CEP63: variants seen among roughly 807,000 people sequenced by gnomAD.
CEP63 encodes the protein centrosomal protein 63.
Under a neutral mutation model 89.1 loss-of-function variants are expected in CEP63, and 84 were observed. That is an observed-to-expected ratio of 0.94 (90% confidence interval 0.79 to 1.13). The LOEUF (loss-of-function observed/expected upper bound fraction) is 1.13, where lower values mean the gene tolerates loss of function less well. CEP63 is among the 50% of genes most tolerant of loss of function. The pLI, the probability that CEP63 is intolerant of heterozygous loss-of-function variation, is 0.00. For missense variants in CEP63, 838 were observed against 813.3 expected, an observed-to-expected ratio of 1.03 and a Z score of -0.37; for synonymous variants, 267 against 272.5, an observed-to-expected ratio of 0.98 and a Z score of 0.20.
At chr3:134,721,707 TTTATGCATTTATTGAAATAATCTGA>T in the CEP63 span, among the ~76,000 whole-genome samples, 1,638 of 152,284 alleles carry the variant, frequency 0.011, 14 homozygotes, top group Non-Finnish European at 0.018. Flanking sequence ...TCAAATGCCT[TTTATGCATTTATTGAAATAATCTGA>T]TGCTTTCTGT....
the CEP63 span, chr3:134,608,966 G>A: frequency 1.9e-6 from 2 of 1,076,556 alleles, no homozygotes; most frequent in Non-Finnish European, 2.6e-6. Context: ...CCTAACATGG[G>A]CACTGGAGAC....
chr3:134,561,734 G>A lies in CEP63; in HGVS notation c.*199G>A. 1 of 1,391,676 alleles carries A rather than the reference G, an allele frequency of 7.2e-7. No individual in the cohort carries two copies. The highest frequency in any genetic ancestry group is 1.6e-5 in the South Asian group (1 of 62,952). 86.2% of individuals were successfully genotyped at this position (1,391,676 alleles called of 1,614,324 possible). ...TGGTTTGTTTAAAGGACTTCTTCCA[G>A]CAATAAGTTGAAAGAATAAACCACT... On this transcript the variant is annotated 3_prime_UTR_variant, in exon 15 of 15. Coordinates refer to ENST00000675561, the MANE Select transcript of CEP63 (RefSeq NM_001353108.3).
the CEP63 span, among the ~76,000 whole-genome samples, chr3:134,627,129 C>A: frequency 6.6e-6 from 1 of 152,150 alleles, no homozygotes; most frequent in Non-Finnish European, 1.5e-5. Context: ...ATTAAAAATG[C>A]CCATGATTTA....
the CEP63 span, among the ~76,000 whole-genome samples, chr3:134,659,624 G>A: frequency 1.4e-4 from 22 of 152,192 alleles, no homozygotes; most frequent in Non-Finnish European, 2.8e-4. Flanking sequence ...CCAGCCACTC[G>A]CAGGGCTTAG....
chr3:134,699,510 A>G, the CEP63 span, among the ~76,000 whole-genome samples: 4 of 152,244 alleles, frequency 2.6e-5, no homozygotes, highest in Admixed American at 2.0e-4. Context: ...CAGGAGAGGC[A>G]GGGCTGAAGC....
At chr3:134,677,304 C>T in the CEP63 span, among the ~76,000 whole-genome samples, 3 of 152,224 alleles carry the variant, frequency 2.0e-5, no homozygotes, top group Admixed American at 6.5e-5. Context: ...TTTTCTCTTC[C>T]TCATTTCACT....
At chr3:134,772,681 GCCACACCCCAGAGTAGGGGCCT>G in the CEP63 span, among the ~76,000 whole-genome samples, 1 of 152,092 alleles carries the variant, frequency 6.6e-6, no homozygotes, top group Non-Finnish European at 1.5e-5. Flanking sequence ...AGGAGCCTCT[GCCACACCCCAGAGTAGGGGCCT>G]CCCCACACAT....
intron 10 of CEP63, among the ~76,000 whole-genome samples, chr3:134,586,521 C>G (rs1442803812): frequency 2.0e-5 from 3 of 152,148 alleles, no homozygotes; most frequent in Non-Finnish European, 4.4e-5. Context: ...AATATTGGCC[C>G]CACTCTCTTC....
At chr3:134,767,009 T>C in the CEP63 span, among the ~76,000 whole-genome samples, 1 of 152,266 alleles carries the variant, frequency 6.6e-6, no homozygotes, top group African/African-American at 2.4e-5. Context: ...AGAGGCTACA[T>C]AGCCACTTGG....
At chr3:134,639,810 T>C in the CEP63 span, 3 of 148,788 alleles carry the variant, frequency 2.0e-5, no homozygotes, top group African/African-American at 5.0e-5. Context: ...AAACCAGCCA[T>C]GTGGTGGCAC....
At chr3:134,709,719 C>T in the CEP63 span, among the ~76,000 whole-genome samples, 6 of 152,202 alleles carry the variant, frequency 3.9e-5, no homozygotes, top group African/African-American at 1.4e-4. Flanking sequence ...TCAGATATGT[C>T]CCTCTCCATT....
chr3:134,686,260 G>T, the CEP63 span, among the ~76,000 whole-genome samples: 2 of 152,196 alleles, frequency 1.3e-5, no homozygotes, highest in African/African-American at 4.8e-5. Flanking sequence ...GCTGGCCATG[G>T]TCTCCCTGAA....
the CEP63 span, among the ~76,000 whole-genome samples, chr3:134,740,668 C>T: frequency 6.6e-6 from 1 of 152,132 alleles, no homozygotes; most frequent in Admixed American, 6.5e-5. Flanking sequence ...CTGCTAGCAG[C>T]CTGAACATTC....
chr3:134,658,634 T>G, the CEP63 span, among the ~76,000 whole-genome samples: 1 of 152,236 alleles, frequency 6.6e-6, no homozygotes, highest in Non-Finnish European at 1.5e-5. Flanking sequence ...GAGGTAGAAC[T>G]GAGCTTTCCA....
At chr3:134,708,871 C>A in the CEP63 span, among the ~76,000 whole-genome samples, 1 of 151,888 alleles carries the variant, frequency 6.6e-6, no homozygotes, top group African/African-American at 2.4e-5. Flanking sequence ...AGTCACTCAG[C>A]CCTGTGAGTG....
chr3:134,569,351 A>C (rs1957924473), downstream of CEP63, among the ~76,000 whole-genome samples: 1 of 152,260 alleles, frequency 6.6e-6, no homozygotes, highest in African/African-American at 2.4e-5. Flanking sequence ...TAAAATCGAA[A>C]GTGAGTTAAT....
chr3:134,676,512 G>T, the CEP63 span, among the ~76,000 whole-genome samples: 4 of 152,304 alleles, frequency 2.6e-5, no homozygotes, highest in East Asian at 7.7e-4. Context: ...AGTGGTGATA[G>T]TTACACAAAC....
chr3:134,515,898 C>T (rs1046823976), intron 3 of CEP63, among the ~76,000 whole-genome samples: 1 of 152,134 alleles, frequency 6.6e-6, no homozygotes, highest in African/African-American at 2.4e-5. Flanking sequence ...CACATATGGC[C>T]TGTGGCTTAC....
chr3:134,640,146 A>G, the CEP63 span, among the ~76,000 whole-genome samples: 1 of 146,062 alleles, frequency 6.8e-6, no homozygotes, highest in Non-Finnish European at 1.5e-5. Context: ...GAGGCTGAGG[A>G]GGAGAGAAAA....
Sources: allele counts gnomAD v4.1 joint callset (sites outside exome capture counted in the v4.1 genomes callset), GRCh38; gene constraint gnomAD v4.1.1; transcripts MANE v1.5; gene names NCBI Gene and HGNC (gene_info 2026-07-23, HGNC 2026-07-21).